YWHAH: variants seen among roughly 807,000 people sequenced by gnomAD.
The protein encoded by YWHAH is tyrosine 3-monooxygenase/tryptophan 5-monooxygenase activation protein eta, also known as 14-3-3 protein eta.
A neutral mutation model predicts 22.9 loss-of-function variants in YWHAH; 6 were observed. That is an observed-to-expected ratio of 0.26 (90% confidence interval 0.14 to 0.52). The LOEUF (loss-of-function observed/expected upper bound fraction) is 0.52. YWHAH is among the 20% of genes least tolerant of loss of function. The pLI is 0.97. For missense variants in YWHAH, 173 were observed against 308.6 expected (o/e 0.56, Z 3.29); for synonymous variants, 135 against 124.5 (o/e 1.08, Z -0.56).
At chr22:31,949,293 C>T (rs1411714552) in intron 1 of YWHAH, among the ~76,000 whole-genome samples, 2 of 151,728 alleles carry the variant, frequency 1.3e-5, no homozygotes, top group Non-Finnish European at 2.9e-5. Flanking sequence ...GCATGCACCA[C>T]CATGCCATGC....
intron 1 of YWHAH, among the ~76,000 whole-genome samples, chr22:31,954,633 A>G (rs983324543): frequency 6.6e-6 from 1 of 152,156 alleles, no homozygotes; most frequent in Non-Finnish European, 1.5e-5. Context: ...GCTCTAGGGA[A>G]GAATCCTTCC....
rs1349595178 is a variant in YWHAH, at chr22:31,957,448, A to AT, written c.*662dup. ...GCAATTGTTTAAGAATCATGGATTT[A>AT]TTTTTTGTAACTCTTTGGCTATTGT... On this transcript the variant is annotated 3_prime_UTR_variant, in exon 2 of 2. Transcript: ENST00000248975. The AT allele has an allele frequency of 6.9e-6, 1 of 144,134 alleles. No homozygotes were observed. Among genetic ancestry groups the AT allele is most frequent in the Non-Finnish European group, 1.5e-5 (1 of 64,548 alleles). The allele number at this position is 144,134 out of a possible 1,614,324, so 8.9% of individuals were successfully genotyped here.
chr22:31,944,743 C>T lies in YWHAH; in HGVS notation c.10C>T (p.Arg4Trp). ...CCGAGCCGCGAGCGACATGGGGGAC[C>T]GGGAGCAGCTGCTGCAGCGGGCGCG... MGD[R>W]EQLLQRARLA... The change falls in exon 1 of 2, where the codon CGG (arginine) becomes TGG (tryptophan). Residue 4 changes from arginine to tryptophan, a missense_variant. Arg to Trp is a moderately radical substitution (Grantham distance 101). Coordinates refer to ENST00000248975, the MANE Select transcript of YWHAH (RefSeq NM_003405.4). 1.4e-6 allele frequency: 2 copies of T among 1,412,842 alleles called. No homozygotes were observed. The highest frequency in any genetic ancestry group is 1.9e-6 in the Non-Finnish European group (2 of 1,076,726). The allele number at this position is 1,412,842 out of a possible 1,614,324, so 87.5% of individuals were successfully genotyped here.
chr22:31,950,659 C>T (rs987131682), intron 1 of YWHAH, among the ~76,000 whole-genome samples: 19 of 152,138 alleles, frequency 1.2e-4, no homozygotes, highest in African/African-American at 4.6e-4. Flanking sequence ...ATGTTACTTA[C>T]CCGAACTTGC....
intron 1 of YWHAH, among the ~76,000 whole-genome samples, chr22:31,949,500 CTT>C (rs998729389): frequency 6.9e-6 from 1 of 144,172 alleles, no homozygotes; most frequent in African/African-American, 2.6e-5. Context: ...TCCATGTGTA[CTT>C]TTTTTTTTGG....
chr22:31,944,621 C>G lies in YWHAH; in HGVS notation c.-113C>G, dbSNP rs556539407. On this transcript the variant is annotated 5_prime_UTR_variant, in exon 1 of 2. Transcript: ENST00000248975. ...CTGCAGCCTCCGGCCGGCCGGCGAG[C>G]CAGTGCGCGTGCGCGGCGGCGGCCT... 2.3e-5 allele frequency: 18 copies of G among 795,780 alleles called. No homozygotes were observed. The Admixed American group carries it at 4.0e-4, about 18-fold the overall frequency. 49.3% of individuals were successfully genotyped at this position (795,780 alleles called of 1,614,324 possible).
At chr22:31,950,728 G>C (rs2093842200) in intron 1 of YWHAH, among the ~76,000 whole-genome samples, 1 of 152,106 alleles carries the variant, frequency 6.6e-6, no homozygotes, top group Non-Finnish European at 1.5e-5. Flanking sequence ...GCCTCATCCT[G>C]GTGAGGATAA....
chr22:31,955,490 G>C (rs908275200), intron 1 of YWHAH, among the ~76,000 whole-genome samples: 12 of 142,172 alleles, frequency 8.4e-5, no homozygotes, highest in Non-Finnish European at 1.8e-4. Context: ...TCTGTCGCTA[G>C]CTAGGCTGGA....
At chr22:31,954,718 C>T (rs760510794) in intron 1 of YWHAH, among the ~76,000 whole-genome samples, 9 of 152,164 alleles carry the variant, frequency 5.9e-5, no homozygotes, top group Non-Finnish European at 1.0e-4. Flanking sequence ...TCACTCCAGT[C>T]TTTGCCTCCA....
Position 31,956,303 on chromosome 22 carries a change from T to C in YWHAH, c.252T>C (p.Ala84=). Residue 84 remains alanine (A), a synonymous_variant, in exon 2 of 2, where the codon GCT becomes GCC. Coordinates refer to ENST00000248975, the MANE Select transcript of YWHAH (RefSeq NM_003405.4). The surrounding 1 kb of genome is among the most constrained non-coding windows in gnomAD (Gnocchi z 5.1). ...GNEKKLEKVK[A]YREKIEKELE... ...AAAAGAAATTGGAGAAAGTTAAAGC[T>C]TACCGGGAGAAGATTGAGAAGGAGC... The C allele has an allele frequency of 6.2e-7, 1 of 1,614,158 alleles. No homozygotes were observed. Among genetic ancestry groups the C allele is most frequent in the Non-Finnish European group, 8.5e-7 (1 of 1,180,036 alleles).
At chr22:31,947,706 T>C (rs563450508) in intron 1 of YWHAH, among the ~76,000 whole-genome samples, 3 of 152,318 alleles carry the variant, frequency 2.0e-5, no homozygotes, top group African/African-American at 7.2e-5. Context: ...CCTAAGTCCT[T>C]TCTAGGCTAG....
chr22:31,951,112 C>T (rs1014269692), intron 1 of YWHAH, among the ~76,000 whole-genome samples: 7 of 152,016 alleles, frequency 4.6e-5, no homozygotes, highest in South Asian at 2.1e-4. Context: ...GGGTTGGTGT[C>T]GTACTCCCTG....
chr22:31,954,748 C>CTG (rs1260738308), intron 1 of YWHAH, among the ~76,000 whole-genome samples: 4 of 152,116 alleles, frequency 2.6e-5, no homozygotes, highest in East Asian at 1.9e-4. Flanking sequence ...GGCATTCTTC[C>CTG]TGTGTGTGTG....
At chr22:31,950,234 A>C in intron 1 of YWHAH, 1 of 716,268 alleles carries the variant, frequency 1.4e-6, no homozygotes, top group East Asian at 2.5e-5. Context: ...GTTTCTCCAT[A>C]TTGCCTTTAA....
intron 1 of YWHAH, among the ~76,000 whole-genome samples, chr22:31,949,207 T>C (rs2093839516): frequency 7.0e-6 from 1 of 142,080 alleles, no homozygotes; most frequent in South Asian, 2.3e-4. Flanking sequence ...TGGAGCAATC[T>C]CGGCTCTCTG....
At chr22:31,950,328 T>C in intron 1 of YWHAH, 1 of 779,490 alleles carries the variant, frequency 1.3e-6, no homozygotes, top group East Asian at 2.4e-5. Context: ...AAATTCCTCC[T>C]AGTGTCCAAG....
At position 31,956,301 on chromosome 22, in the gene YWHAH, G is replaced by T. The variant is rs1375973927; in HGVS notation, c.250G>T (p.Ala84Ser). Residue 84 changes from alanine to serine, a missense_variant, in exon 2 of 2, where the codon GCT becomes TCT. Physicochemically the swap from Ala to Ser is moderately conservative, Grantham distance 99. Transcript: ENST00000248975. This position sits in a 1 kb window ranked among gnomAD's most constrained non-coding sequence, Gnocchi z 5.1. ...CGAAAAGAAATTGGAGAAAGTTAAA[G>T]CTTACCGGGAGAAGATTGAGAAGGA... ...GNEKKLEKVK[A>S]YREKIEKELE... The T allele has an allele frequency of 1.2e-6, 2 of 1,614,178 alleles. No homozygotes were observed. Among genetic ancestry groups the T allele is most frequent in the Non-Finnish European group, 1.7e-6 (2 of 1,180,050 alleles).
intron 1 of YWHAH, among the ~76,000 whole-genome samples, chr22:31,951,925 C>T (rs1387441368): frequency 1.3e-5 from 2 of 152,048 alleles, no homozygotes; most frequent in African/African-American, 4.8e-5. Context: ...AGTAGGATTA[C>T]AGAGGGTGGG....
intron 1 of YWHAH, among the ~76,000 whole-genome samples, chr22:31,952,040 G>A (rs1461171032): frequency 1.3e-5 from 2 of 152,184 alleles, no homozygotes; most frequent in African/African-American, 2.4e-5. Flanking sequence ...GCTACACTGA[G>A]GGAAGGTGCC....
Sources: allele counts gnomAD v4.1 joint callset (sites outside exome capture counted in the v4.1 genomes callset), GRCh38; gene constraint gnomAD v4.1.1; non-coding constraint Gnocchi (gnomAD v3.1); transcripts MANE v1.5; gene names NCBI Gene and HGNC (gene_info 2026-07-23, HGNC 2026-07-21).